The following PPP2R5E variants were observed in gnomAD, a reference collection of about 807,000 sequenced individuals.
The protein encoded by PPP2R5E is serine/threonine-protein phosphatase 2A 56 kDa regulatory subunit epsilon isoform.
Under a neutral mutation model 65.3 loss-of-function variants are expected in PPP2R5E, and 4 were observed. The ratio of observed to expected loss-of-function variants is 0.06; its 90% CI spans 0.03 to 0.14. The LOEUF is 0.14. Ranked by LOEUF, PPP2R5E falls within the 10% of genes least tolerant of loss-of-function variation. PPP2R5E has a pLI of 1.00. For missense variants in PPP2R5E, 274 were observed against 556.1 expected (o/e 0.49, Z 5.10); for synonymous variants, 183 against 187.4 (o/e 0.98, Z 0.19).
chr14:63,511,556 T>C (rs1231866278), intron 2 of PPP2R5E, among the ~76,000 whole-genome samples: 2 of 152,196 alleles, frequency 1.3e-5, no homozygotes, highest in East Asian at 3.8e-4. Flanking sequence ...AGTGGTTTGT[T>C]GAGCAGCAAA....
chr14:63,490,703 C>T (rs1470595009), intron 2 of PPP2R5E, among the ~76,000 whole-genome samples: 1 of 151,850 alleles, frequency 6.6e-6, no homozygotes, highest in Non-Finnish European at 1.5e-5. Context: ...GCACACCAGT[C>T]GGAATGAGTA....
rs1566656228 is a variant in PPP2R5E at position 63,373,780 on chromosome 14, T to C, written c.*2229A>G. On this transcript the variant is annotated 3_prime_UTR_variant, in exon 14 of 14. Coordinates refer to ENST00000337537, the MANE Select transcript of PPP2R5E (RefSeq NM_006246.5). ...ATTCTTCATAAACCTGTGATTTTAA[T>C]GTCTTCTACCTAAAAAGATGAATTA... 6.6e-6 allele frequency: 1 copy of C among 152,312 alleles called. No homozygotes were observed. The highest frequency in any genetic ancestry group is 2.1e-4 in the South Asian group (1 of 4,832). 9.4% of individuals were successfully genotyped at this position (152,312 alleles called of 1,614,324 possible).
At chr14:63,378,958 G>A (rs1033873387) in intron 13 of PPP2R5E, among the ~76,000 whole-genome samples, 1 of 151,418 alleles carries the variant, frequency 6.6e-6, no homozygotes, top group African/African-American at 2.4e-5. Context: ...AGAAACCAAT[G>A]TTTCCATCTG....
At chr14:63,453,958 C>T in intron 2 of PPP2R5E, 73 bp from the exon 3 acceptor site, 6 of 1,181,986 alleles carry the variant, frequency 5.1e-6, no homozygotes, top group African/African-American at 1.6e-5. Context: ...GTGAAAGTTA[C>T]TTCAAAGGCA....
At chr14:63,425,575 C>T (rs1254418440) in intron 3 of PPP2R5E, among the ~76,000 whole-genome samples, 3 of 152,172 alleles carry the variant, frequency 2.0e-5, no homozygotes, top group African/African-American at 4.8e-5. Flanking sequence ...TTCCTTTGTA[C>T]TCCTGGGCAT....
At chr14:63,509,764 G>C (rs1006820326) in intron 2 of PPP2R5E, among the ~76,000 whole-genome samples, 5 of 152,196 alleles carry the variant, frequency 3.3e-5, no homozygotes, top group African/African-American at 1.2e-4. Flanking sequence ...AATCAGCTAT[G>C]GGAAAGCCAT....
At chr14:63,389,131 A>AT (rs34751867) in intron 11 of PPP2R5E, among the ~76,000 whole-genome samples, 4,715 of 142,386 alleles carry the variant, frequency 0.033, 105 homozygotes, top group South Asian at 0.082. Flanking sequence ...TCCAAGCCTC[A>AT]TTTTTTTTTT....
chr14:63,471,520 A>C (rs531278628), intron 2 of PPP2R5E, among the ~76,000 whole-genome samples: 1 of 152,254 alleles, frequency 6.6e-6, no homozygotes, highest in Non-Finnish European at 1.5e-5. Context: ...TCATGTATAC[A>C]TAATAATAGT....
chr14:63,445,102 C>G (rs998325880), intron 3 of PPP2R5E, among the ~76,000 whole-genome samples: 6 of 152,202 alleles, frequency 3.9e-5, no homozygotes, highest in Admixed American at 1.3e-4. Context: ...AGAGAGAAAA[C>G]TACTTACCCA....
At chr14:63,497,447 A>G (rs1891623896) in intron 2 of PPP2R5E, among the ~76,000 whole-genome samples, 1 of 152,076 alleles carries the variant, frequency 6.6e-6, no homozygotes, top group African/African-American at 2.4e-5. Flanking sequence ...GGGTAACTAA[A>G]TGAGTATAAA....
intron 2 of PPP2R5E, among the ~76,000 whole-genome samples, chr14:63,535,071 G>A (rs749495058): frequency 6.6e-5 from 10 of 152,180 alleles, no homozygotes; most frequent in Non-Finnish European, 1.0e-4. Flanking sequence ...TACAGGTGGT[G>A]TTGCTTTCTA....
chr14:63,500,617 G>A (rs944388156), intron 2 of PPP2R5E, among the ~76,000 whole-genome samples: 2 of 152,136 alleles, frequency 1.3e-5, no homozygotes, highest in Non-Finnish European at 2.9e-5. Flanking sequence ...GCTTTGGGAG[G>A]CCACGGCAAG....
At chr14:63,459,669 A>G (rs912537862) in intron 2 of PPP2R5E, among the ~76,000 whole-genome samples, 1 of 152,110 alleles carries the variant, frequency 6.6e-6, no homozygotes, top group South Asian at 2.1e-4. Context: ...GATGGTGGTG[A>G]TGGTGGTGGT....
chr14:63,542,358 T>TA (rs1893935510), intron 1 of PPP2R5E, among the ~76,000 whole-genome samples: 1 of 151,332 alleles, frequency 6.6e-6, no homozygotes, highest in East Asian at 1.9e-4. Flanking sequence ...CCAAAGGGGG[T>TA]AAGGGGAAGT....
In PPP2R5E at chr14:63,374,634, G is replaced by GATATATAGATATATATATATATAT; in HGVS notation, c.*1374_*1375insATATATATATATATATCTATATAT. 1 of 109,598 alleles carries GATATATAGATATATATATATATAT rather than the reference G, an allele frequency of 9.1e-6. No individual in the cohort carries two copies. The highest frequency in any genetic ancestry group is 4.8e-5 in the African/African-American group (1 of 20,648). The allele number at this position is 109,598 out of a possible 1,614,324, so 6.8% of individuals were successfully genotyped here. ...TAAATACAAAGCAGAGAGCCAATAAGATATATATATATATATATATATATA... is the reference window on the plus strand; with the variant it reads ...TAAATACAAAGCAGAGAGCCAATAAGATATATAGATATATATATATATATATATATATATATATATATATATATA... On this transcript the variant is annotated 3_prime_UTR_variant, in exon 14 of 14. Transcript: ENST00000337537.
At chr14:63,439,654 G>A (rs890013215) in intron 3 of PPP2R5E, among the ~76,000 whole-genome samples, 4 of 152,206 alleles carry the variant, frequency 2.6e-5, no homozygotes, top group South Asian at 2.1e-4. Context: ...GATTACAGGC[G>A]TGAGCCACCG....
Position 63,453,677 on chromosome 14 carries a change from A to C in PPP2R5E, c.354+12T>G. The C allele has an allele frequency of 1.2e-6, 2 of 1,612,200 alleles. No homozygotes were observed. Among genetic ancestry groups the C allele is most frequent in the Non-Finnish European group, 1.7e-6 (2 of 1,179,086 alleles). ...TGCTTAAAAGTGTCCGCGGAGAAAA[A>C]AAGAAACTCACCATTCTAACTACTT... On this transcript the variant is annotated intron_variant, in intron 3 of 13. Transcript: ENST00000337537.
rs538676799 is a variant in PPP2R5E at position 63,394,038 on chromosome 14, A to G, written c.741-110T>C. 5.3e-5 allele frequency: 32 copies of G among 605,750 alleles called. No homozygotes were observed. In the East Asian group the frequency reaches 9.0e-4, roughly 17 times the overall value. 37.5% of individuals were successfully genotyped at this position (605,750 alleles called of 1,614,324 possible). The stretch of plus-strand genomic sequence containing the variant: ...AATCAGTTTGTTTGTACAAAACAAC[A>G]TAATACCCACCCCAGTGGCATTCAG... On this transcript the variant is annotated intron_variant, in intron 7 of 13. Transcript: ENST00000337537.
At chr14:63,467,143 A>G (rs11850626) in intron 2 of PPP2R5E, among the ~76,000 whole-genome samples, 48,075 of 148,852 alleles carry the variant, frequency 0.32, 10,456 homozygotes, top group African/African-American at 0.62. Context: ...GGAGAATGGC[A>G]TGGACCTGGG....
Sources: allele counts gnomAD v4.1 joint callset (sites outside exome capture counted in the v4.1 genomes callset), GRCh38; gene constraint gnomAD v4.1.1; transcripts MANE v1.5; gene names NCBI Gene and HGNC (gene_info 2026-07-23, HGNC 2026-07-21).